Variants in MGAT4C observed in about 807,000 individuals in gnomAD.
MGAT4C encodes MGAT4 family member C, also known as alpha-1,3-mannosyl-glycoprotein 4-beta-N-acetylglucosaminyltransferase C.
MGAT4C carries 19 observed loss-of-function variants against 40.1 expected under a neutral mutation model. That is an observed-to-expected ratio of 0.47 (90% CI 0.33 to 0.70). MGAT4C has a LOEUF of 0.70. Among genes scored for constraint, MGAT4C ranks in the 30% least tolerant of loss-of-function variants. The pLI, the probability that MGAT4C is intolerant of heterozygous loss-of-function variation, is 0.02. For synonymous variants in MGAT4C, 181 were observed against 187.1 expected (o/e 0.97, Z 0.27); for missense variants, 491 against 563.2 (o/e 0.87, Z 1.30).
chr12:86,347,347 A>G (rs1955059649), intron 3 of MGAT4C, among the ~76,000 whole-genome samples: 1 of 152,180 alleles, frequency 6.6e-6, no homozygotes. Flanking sequence ...AAAAAAACAC[A>G]TGGCATATTT....
At chr12:86,365,143 G>T (rs920855588) in intron 3 of MGAT4C, among the ~76,000 whole-genome samples, 3 of 152,130 alleles carry the variant, frequency 2.0e-5, no homozygotes, top group African/African-American at 7.2e-5. Context: ...CCTCAGGGAT[G>T]CATTCTCTTT....
At chr12:86,446,668 T>TATAC (rs1957342607) in intron 2 of MGAT4C, among the ~76,000 whole-genome samples, 1 of 104,112 alleles carries the variant, frequency 9.6e-6, no homozygotes, top group Non-Finnish European at 2.0e-5. Context: ...CATATATATA[T>TATAC]ATATATATAT....
chr12:86,320,655 G>A (rs1954361762), intron 4 of MGAT4C, among the ~76,000 whole-genome samples: 1 of 152,018 alleles, frequency 6.6e-6, no homozygotes, highest in African/African-American at 2.4e-5. Flanking sequence ...CTGCTGATCA[G>A]TGGCAGGGCT....
chr12:86,361,555 C>G (rs952756292), intron 3 of MGAT4C, among the ~76,000 whole-genome samples: 21 of 152,320 alleles, frequency 1.4e-4, no homozygotes, highest in African/African-American at 4.8e-4. Flanking sequence ...AGGCAACCTA[C>G]AGAATGGGAG....
At position 85,961,995 on chromosome 12, in the gene MGAT4C, A is replaced by G. The variant is rs1883135874; in HGVS notation, c.*17294T>C. ...TCATTTCTTTTGTGTATCTGAATGG[A>G]ACATGTGGTAAACACAACAGTAGAA... is the stretch of plus-strand genomic sequence containing the variant. On this transcript the variant is annotated 3_prime_UTR_variant, in exon 5 of 5. Coordinates refer to ENST00000611864, the MANE Select transcript of MGAT4C (RefSeq NM_001351288.2). 2 of 151,966 alleles carry G rather than the reference A, an allele frequency of 1.3e-5. No individual in the cohort carries two copies. The highest frequency in any genetic ancestry group is 4.8e-5 in the African/African-American group (2 of 41,532). 9.4% of individuals were successfully genotyped at this position (151,966 alleles called of 1,614,324 possible).
intron 1 of MGAT4C, among the ~76,000 whole-genome samples, chr12:86,104,664 A>G (rs1039464227): frequency 2.0e-5 from 3 of 152,188 alleles, no homozygotes; most frequent in African/African-American, 7.2e-5. Flanking sequence ...ACCCTTAGCA[A>G]TTGAAATTGC....
chr12:86,697,382 T>C lies in MGAT4C; in HGVS notation c.-229+29827A>G, dbSNP rs1210830154. Among the ~76,000 whole-genome samples the C allele has an allele frequency of 2.6e-5, 4 of 152,044 alleles. No homozygotes were observed. The East Asian group carries it at 7.7e-4, about 29-fold the overall frequency. ...GAACAGCTAGGGAATCGTAGATAGC[T>C]GGATACAGTTGTAACCTAAATTTTT... On this transcript the variant is annotated intron_variant, in intron 2 of 7. Transcript: ENST00000548651.
intron 3 of MGAT4C, among the ~76,000 whole-genome samples, chr12:86,355,652 T>C (rs549394774): frequency 2.7e-4 from 41 of 152,056 alleles, no homozygotes; most frequent in Admixed American, 1.2e-3. Context: ...CAGATACACA[T>C]AATGAAAATA....
intron 1 of MGAT4C, among the ~76,000 whole-genome samples, chr12:86,231,019 G>A (rs1347712227): frequency 6.6e-6 from 1 of 151,872 alleles, no homozygotes; most frequent in Non-Finnish European, 1.5e-5. Flanking sequence ...TAGTTGAGGT[G>A]GTAGAAAAGC....
At chr12:86,502,664 CATAT>C (rs1001891330) in intron 2 of MGAT4C, among the ~76,000 whole-genome samples, 1 of 146,040 alleles carries the variant, frequency 6.8e-6, no homozygotes, top group Non-Finnish European at 1.5e-5. Flanking sequence ...GATTTCTGCT[CATAT>C]ATATACACGA....
At chr12:86,050,283 T>C (rs1892772700) in intron 1 of MGAT4C, among the ~76,000 whole-genome samples, 1 of 151,990 alleles carries the variant, frequency 6.6e-6, no homozygotes, top group Admixed American at 6.6e-5. Context: ...CAGTTTGCTA[T>C]TGAATGTCTG....
intron 1 of MGAT4C, among the ~76,000 whole-genome samples, chr12:86,244,545 C>T (rs765334204): frequency 1.3e-5 from 2 of 152,198 alleles, no homozygotes; most frequent in Non-Finnish European, 2.9e-5. Flanking sequence ...ATTTAATCAG[C>T]ATTTAATGAG....
intron 1 of MGAT4C, among the ~76,000 whole-genome samples, chr12:86,057,518 T>C (rs574981073): frequency 1.2e-4 from 18 of 152,338 alleles, no homozygotes; most frequent in Admixed American, 3.3e-4. Flanking sequence ...TGAGCTTTCA[T>C]GCTTCAGTGA....
intron 2 of MGAT4C, among the ~76,000 whole-genome samples, chr12:86,451,348 C>T (rs1279647219): frequency 6.6e-6 from 1 of 152,188 alleles, no homozygotes; most frequent in Non-Finnish European, 1.5e-5. Context: ...ACTGTGTTTC[C>T]TGTACACCTG....
At chr12:86,101,835 C>A (rs78440097) in intron 1 of MGAT4C, among the ~76,000 whole-genome samples, 1 of 151,812 alleles carries the variant, frequency 6.6e-6, no homozygotes, top group Non-Finnish European at 1.5e-5. Context: ...GATTTAAAGG[C>A]TATGCATTAT....
At chr12:86,045,924 T>G (rs1190196726) in intron 2 of MGAT4C, among the ~76,000 whole-genome samples, 1 of 152,224 alleles carries the variant, frequency 6.6e-6, no homozygotes, top group African/African-American at 2.4e-5. Flanking sequence ...TTATCGTGTA[T>G]TTTATTAGTG....
At chr12:86,762,552 G>A (rs1951426645) in intron 1 of MGAT4C, among the ~76,000 whole-genome samples, 1 of 152,102 alleles carries the variant, frequency 6.6e-6, no homozygotes, top group Non-Finnish European at 1.5e-5. Flanking sequence ...ACCAACAAGG[G>A]ACAATTTCTC....
intron 1 of MGAT4C, among the ~76,000 whole-genome samples, chr12:86,228,210 C>CA (rs764671541): frequency 6.7e-6 from 1 of 149,602 alleles, no homozygotes; most frequent in Non-Finnish European, 1.5e-5. Flanking sequence ...TTCTGTAGAC[C>CA]AAAAAAAGAA....
intron 4 of MGAT4C, among the ~76,000 whole-genome samples, chr12:85,981,153 A>G (rs1230303233): frequency 2.0e-5 from 3 of 152,192 alleles, no homozygotes; most frequent in African/African-American, 7.2e-5. Flanking sequence ...AACACACTTT[A>G]TAGTAATTTT....
Sources: gnomAD v4.1 joint callset for allele counts (sites outside exome capture counted in the v4.1 genomes callset) on GRCh38, gnomAD v4.1.1 for gene constraint, MANE v1.5 for transcripts, NCBI Gene and HGNC (gene_info 2026-07-23, HGNC 2026-07-21) for gene names.